MTF2: variants seen among roughly 807,000 people sequenced by gnomAD.
The protein encoded by MTF2 is metal response element binding transcription factor 2.
A neutral mutation model predicts 79.5 loss-of-function variants in MTF2; 11 were observed. The observed-to-expected ratio is 0.14, with a 90% CI of 0.09 to 0.23. The LOEUF is 0.23. Among genes scored for constraint, MTF2 ranks in the 10% least tolerant of loss-of-function variants. MTF2 has a pLI of 1.00. For synonymous variants in MTF2, 208 were observed against 232.8 expected, an observed-to-expected ratio of 0.89 and a Z score of 0.97; for missense variants, 486 against 711.2, an observed-to-expected ratio of 0.68 and a Z score of 3.60.
rs574538240 is a variant in MTF2 at position 93,084,781 on chromosome 1, A to G, written c.5+5250A>G. On this transcript the variant is annotated intron_variant, in intron 1 of 14. Transcript: ENST00000370298. ...TGAGGCAGGAGGATTGGGTAGGAGG[A>G]TTGCTTGAGCTTAGGAGTTTGAGAC... 2.0e-5 allele frequency among the ~76,000 whole-genome samples: 3 copies of G among 152,168 alleles called. No homozygotes were observed. In the South Asian group the frequency reaches 6.2e-4, roughly 32 times the overall value.
chr1:93,119,312 T>TC, intron 7 of MTF2, 21 bp from the exon 8 acceptor site: 1 of 1,442,390 alleles, frequency 6.9e-7, no homozygotes, highest in Non-Finnish European at 9.5e-7. Flanking sequence ...TAAAACTTTT[T>TC]CTTTTTTTTT....
chr1:93,131,176 G>T (rs771297058), intron 11 of MTF2, among the ~76,000 whole-genome samples: 1 of 152,060 alleles, frequency 6.6e-6, no homozygotes, highest in Non-Finnish European at 1.5e-5. Flanking sequence ...TTTGGAAGAG[G>T]TGAAATAAGC....
intron 1 of MTF2, among the ~76,000 whole-genome samples, chr1:93,092,495 C>G (rs529842392): frequency 8.5e-5 from 13 of 152,256 alleles, no homozygotes; most frequent in African/African-American, 3.1e-4. Context: ...TCCCTCCGCC[C>G]CTTCCCACTC....
At chr1:93,082,589 T>G (rs1253894986) in intron 1 of MTF2, among the ~76,000 whole-genome samples, 1 of 152,176 alleles carries the variant, frequency 6.6e-6, no homozygotes, top group Non-Finnish European at 1.5e-5. Context: ...GCCCATTGTT[T>G]TTATTATTTT....
chr1:93,127,170 C>G, intron 9 of MTF2, 62 bp from the exon 10 acceptor site: 1 of 1,132,902 alleles, frequency 8.8e-7, no homozygotes, highest in Non-Finnish European at 1.3e-6. Context: ...CTCTATCTAG[C>G]ACCTGTATAT....
chr1:93,111,222 A>G (rs1656016043), intron 3 of MTF2, among the ~76,000 whole-genome samples: 2 of 152,190 alleles, frequency 1.3e-5, no homozygotes, highest in South Asian at 4.1e-4. Flanking sequence ...CATCTGCTAA[A>G]TATAGATGTT....
intron 1 of MTF2, among the ~76,000 whole-genome samples, chr1:93,107,463 T>C (rs952442844): frequency 2.9e-4 from 44 of 152,288 alleles, no homozygotes; most frequent in African/African-American, 9.4e-4. Flanking sequence ...TGGCCTCAAA[T>C]GATCCACCTG....
intron 1 of MTF2, chr1:93,080,823 G>A (rs1003566863): frequency 2.1e-5 from 3 of 145,630 alleles, no homozygotes; most frequent in East Asian, 2.1e-4. Flanking sequence ...AGTAGTTAAT[G>A]TGGATAAAAT....
chr1:93,102,708 G>A (rs747481728), intron 1 of MTF2, among the ~76,000 whole-genome samples: 5 of 152,142 alleles, frequency 3.3e-5, no homozygotes, highest in East Asian at 1.9e-4. Context: ...AATTCTTCCC[G>A]TTGGTGAAGG....
chr1:93,114,795 T>C lies in MTF2; in HGVS notation c.382+12T>C. 4 of 1,578,030 alleles carry C rather than the reference T, an allele frequency of 2.5e-6. No homozygotes were observed. Among genetic ancestry groups the C allele is most frequent in the Non-Finnish European group, 3.5e-6 (4 of 1,155,520 alleles). ...CAAGTGTGGCCAAGGTAACCATTGA[T>C]TTCTTTTAATCTTGTTACATACTGA... On this transcript the variant is annotated intron_variant, in intron 4 of 14. Coordinates refer to ENST00000370298, the MANE Select transcript of MTF2 (RefSeq NM_007358.4).
intron 1 of MTF2, among the ~76,000 whole-genome samples, chr1:93,085,367 C>T (rs1308772436): frequency 6.6e-6 from 1 of 151,368 alleles, no homozygotes; most frequent in African/African-American, 2.4e-5. Flanking sequence ...TTAGTAGAGA[C>T]GGGGTTTCAC....
intron 6 of MTF2, among the ~76,000 whole-genome samples, chr1:93,116,501 A>ATTTTT (rs34058324): frequency 0.014 from 1,667 of 120,330 alleles, 63 homozygotes; most frequent in African/African-American, 0.04. Flanking sequence ...CCATTGTAAG[A>ATTTTT]TTTTTTTTTT....
intron 11 of MTF2, 78 bp from the exon 12 acceptor site, chr1:93,133,625 T>C: frequency 1.3e-6 from 1 of 743,914 alleles, no homozygotes; most frequent in South Asian, 2.8e-5. Context: ...TATGTATATG[T>C]GTCTAGTTAC....
chr1:93,136,568 G>T, intron 14 of MTF2, 102 bp from the exon 15 acceptor site: 1 of 934,782 alleles, frequency 1.1e-6, no homozygotes, highest in Non-Finnish European at 1.7e-6. Context: ...TATCATCAAG[G>T]ATATATGGTA....
intron 9 of MTF2, among the ~76,000 whole-genome samples, chr1:93,125,313 T>G (rs1656651029): frequency 6.6e-6 from 1 of 151,638 alleles, no homozygotes; most frequent in South Asian, 2.1e-4. Context: ...TTTTTTTTTT[T>G]TTTTTTTTTT....
At chr1:93,080,116 G>A (rs886355490) in intron 1 of MTF2, among the ~76,000 whole-genome samples, 1 of 152,088 alleles carries the variant, frequency 6.6e-6, no homozygotes, top group Non-Finnish European at 1.5e-5. Context: ...AAAGGGAAGC[G>A]GTGGGAGGGA....
At chr1:93,107,419 T>G (rs1204734583) in intron 1 of MTF2, among the ~76,000 whole-genome samples, 1 of 151,256 alleles carries the variant, frequency 6.6e-6, no homozygotes, top group African/African-American at 2.4e-5. Context: ...AGATGGGGGG[T>G]TTTGCTATGT....
At chr1:93,102,515 C>T (rs1655588693) in intron 1 of MTF2, among the ~76,000 whole-genome samples, 1 of 151,930 alleles carries the variant, frequency 6.6e-6, no homozygotes, top group African/African-American at 2.4e-5. Flanking sequence ...TCCCTTGAGC[C>T]CGGGAGATTG....
At chr1:93,080,941 A>G (rs1022510970) in intron 1 of MTF2, 12 of 152,178 alleles carry the variant, frequency 7.9e-5, no homozygotes, top group Non-Finnish European at 1.8e-4. Flanking sequence ...TTGAGAGGGA[A>G]TACAAAATGA....
Sources: gnomAD v4.1 joint callset for allele counts (sites outside exome capture counted in the v4.1 genomes callset) on GRCh38, gnomAD v4.1.1 for gene constraint, MANE v1.5 for transcripts, NCBI Gene and HGNC (gene_info 2026-07-23, HGNC 2026-07-21) for gene names.